Variants in POPDC1 observed in about 807,000 individuals in gnomAD.
POPDC1 encodes popeye domain cAMP effector 1, also known as popeye domain-containing protein 1.
At chr6:105,107,100 C>T in the POPDC1 span, among the ~76,000 whole-genome samples, 3 of 152,088 alleles carry the variant, frequency 2.0e-5, no homozygotes, top group Non-Finnish European at 2.9e-5. Context: ...CTCTACCTCC[C>T]CCCACCCCCA....
At chr6:105,127,661 C>A in the POPDC1 span, among the ~76,000 whole-genome samples, 2 of 151,930 alleles carry the variant, frequency 1.3e-5, no homozygotes, top group African/African-American at 4.8e-5. Flanking sequence ...GTCTCGAACT[C>A]CTGGGCTCAA....
chr6:105,115,831 C>T, the POPDC1 span: 1 of 1,612,680 alleles, frequency 6.2e-7, no homozygotes, highest in South Asian at 1.1e-5. Flanking sequence ...TGGCTTTCTA[C>T]AAAGCAAAGT....
the POPDC1 span, among the ~76,000 whole-genome samples, chr6:105,107,942 G>A: frequency 0.91 from 139,044 of 152,200 alleles, 63,775 homozygotes; most frequent in Non-Finnish European, 0.96. Context: ...CTTGTGCACC[G>A]AATGTTTCCT....
At chr6:105,134,084 G>T in the POPDC1 span, among the ~76,000 whole-genome samples, 1 of 151,980 alleles carries the variant, frequency 6.6e-6, no homozygotes, top group Non-Finnish European at 1.5e-5. Context: ...TCTATTTGAA[G>T]GCTTAGGATA....
At chr6:105,133,569 A>G in the POPDC1 span, 3,565 of 1,572,856 alleles carry the variant, frequency 2.3e-3, 14 homozygotes, top group South Asian at 8.1e-3. Context: ...TGGACTCTGT[A>G]TAATTCATTT....
the POPDC1 span, among the ~76,000 whole-genome samples, chr6:105,115,279 G>A: frequency 1.7e-3 from 258 of 152,194 alleles, no homozygotes; most frequent in Admixed American, 3.5e-3. Flanking sequence ...TAGTAGAGAC[G>A]GGGTTTCACC....
the POPDC1 span, chr6:105,099,694 T>C: frequency 1.5e-4 from 23 of 152,402 alleles, no homozygotes; most frequent in African/African-American, 5.3e-4. Context: ...GGGGTGTCCA[T>C]GGCCTGGCCT....
chr6:105,125,070 T>A, the POPDC1 span, among the ~76,000 whole-genome samples: 1 of 152,222 alleles, frequency 6.6e-6, no homozygotes, highest in Non-Finnish European at 1.5e-5. Context: ...CTCTGGAGCA[T>A]GCATAAGCTT....
chr6:105,099,577 C>G, the POPDC1 span: 1 of 152,328 alleles, frequency 6.6e-6, no homozygotes, highest in East Asian at 1.9e-4. Flanking sequence ...GCCAGACACA[C>G]TGACCAGTTA....
At chr6:105,119,625 G>C in the POPDC1 span, among the ~76,000 whole-genome samples, 1 of 152,180 alleles carries the variant, frequency 6.6e-6, no homozygotes, top group African/African-American at 2.4e-5. Flanking sequence ...AAGACAGTTA[G>C]GACTGATGTT....
chr6:105,135,885 G>A, the POPDC1 span, among the ~76,000 whole-genome samples: 1 of 152,132 alleles, frequency 6.6e-6, no homozygotes, highest in Admixed American at 6.6e-5. Flanking sequence ...AGAATAGGTG[G>A]AAAGAGAAAG....
chr6:105,132,823 T>C, the POPDC1 span, among the ~76,000 whole-genome samples: 1 of 152,260 alleles, frequency 6.6e-6, no homozygotes, highest in Non-Finnish European at 1.5e-5. Context: ...GTTCCCAATG[T>C]TTCTTTACTG....
the POPDC1 span, among the ~76,000 whole-genome samples, chr6:105,128,586 C>T: frequency 6.6e-6 from 1 of 152,156 alleles, no homozygotes; most frequent in Non-Finnish European, 1.5e-5. Context: ...AGTAAAACAA[C>T]ACAGACTGAC....
the POPDC1 span, chr6:105,097,311 G>A: frequency 1.3e-5 from 2 of 152,252 alleles, no homozygotes; most frequent in African/African-American, 4.8e-5. Flanking sequence ...AAAGAGGGAA[G>A]GGAGAGGAAA....
chr6:105,109,696 G>T, the POPDC1 span, among the ~76,000 whole-genome samples: 1 of 138,622 alleles, frequency 7.2e-6, no homozygotes, highest in South Asian at 2.4e-4. Flanking sequence ...CCTGGGAGGC[G>T]GAAGATGCGG....
At chr6:105,108,972 A>AT in the POPDC1 span, among the ~76,000 whole-genome samples, 8,893 of 151,934 alleles carry the variant, frequency 0.059, 436 homozygotes, top group African/African-American at 0.13. Flanking sequence ...TAAAACATTT[A>AT]TTTTTTTTGA....
At chr6:105,119,245 T>A in the POPDC1 span, among the ~76,000 whole-genome samples, 3 of 150,352 alleles carry the variant, frequency 2.0e-5, no homozygotes, top group East Asian at 5.9e-4. Context: ...AGCCCAAATC[T>A]ATTTTCCCAC....
chr6:105,117,010 T>G, the POPDC1 span: 1 of 835,674 alleles, frequency 1.2e-6, no homozygotes, highest in East Asian at 2.8e-5. Context: ...GGAGACTCAA[T>G]GCACACAAGC....
the POPDC1 span, among the ~76,000 whole-genome samples, chr6:105,114,293 A>G: frequency 6.6e-6 from 1 of 152,204 alleles, no homozygotes; most frequent in African/African-American, 2.4e-5. Context: ...CTTGTATTAA[A>G]TTTGTATCCT....
Sources: allele counts gnomAD v4.1 joint callset (sites outside exome capture counted in the v4.1 genomes callset), GRCh38; gene constraint gnomAD v4.1.1; transcripts MANE v1.5; gene names NCBI Gene and HGNC (gene_info 2026-07-23, HGNC 2026-07-21).